Variants in WWP2 observed in about 807,000 individuals in gnomAD.
WWP2 encodes the protein WW domain containing E3 ubiquitin protein ligase 2.
In WWP2, 57 loss-of-function variants were observed where a neutral mutation model predicts 121.0. That is an observed-to-expected ratio of 0.47 (90% confidence interval 0.38 to 0.59). The LOEUF (loss-of-function observed/expected upper bound fraction) is 0.59, where lower values mean the gene tolerates loss of function less well. Among genes scored for constraint, WWP2 ranks in the 20% least tolerant of loss-of-function variants. The pLI is 0.00. For missense variants in WWP2, 962 were observed against 1,158.9 expected (o/e 0.83, Z 2.47); for synonymous variants, 449 against 441.3 (o/e 1.02, Z -0.22).
intron 7 of WWP2, among the ~76,000 whole-genome samples, chr16:69,873,519 C>G (rs934075440): frequency 6.6e-6 from 1 of 152,208 alleles, no homozygotes; most frequent in Non-Finnish European, 1.5e-5. Flanking sequence ...GCCTGGCGCC[C>G]CTGTGCCACC....
Position 69,813,677 on chromosome 16 carries a change from A to T in WWP2, c.340+14382A>T, listed in dbSNP as rs192820556. Among the ~76,000 whole-genome samples the T allele has an allele frequency of 2.0e-3, 306 of 151,998 alleles. 2 individuals are homozygous for T. Among genetic ancestry groups the T allele is most frequent in the South Asian group, 4.8e-3 (23 of 4,816 alleles). On this transcript the variant is annotated intron_variant, in intron 4 of 23. Transcript: ENST00000359154. ...GAGACAGGGTTTCACCATGTTGCCC[A>T]AGGCTGGTCTTAAACTTTTGGGCTC...
rs939550736 is a variant in WWP2, at chr16:69,782,736, C to T, written c.-15-4260C>T. Among the ~76,000 whole-genome samples the T allele has an allele frequency of 7.2e-5, 11 of 152,266 alleles. No individual in the cohort carries two copies. In the East Asian group the frequency reaches 7.7e-4, roughly 11 times the overall value. ...TATATCACATAAGACAAATTCTGTT[C>T]GAGTTTGCTAAAAATCTTGGAGCGT... On this transcript the variant is annotated intron_variant, in intron 1 of 23. Transcript: ENST00000359154.
At chr16:69,787,594 C>G (rs1015128842) in intron 2 of WWP2, among the ~76,000 whole-genome samples, 1 of 152,066 alleles carries the variant, frequency 6.6e-6, no homozygotes, top group Non-Finnish European at 1.5e-5. Flanking sequence ...GTCCCAAAAA[C>G]AAATTAAAAT....
intron 7 of WWP2, among the ~76,000 whole-genome samples, chr16:69,877,198 A>G (rs925039626): frequency 6.6e-6 from 1 of 152,220 alleles, no homozygotes; most frequent in African/African-American, 2.4e-5. Flanking sequence ...CCCGTCAATG[A>G]TCTTAGCTAG....
rs147697607 is a variant in WWP2, at chr16:69,772,108, C to T, written c.-16+9717C>T. ...TCCCAAGTAGCTGGGATTACAGGCACGCACCACTACACCTGGCTAATTTTG... is the reference window on the plus strand; with the variant it reads ...TCCCAAGTAGCTGGGATTACAGGCATGCACCACTACACCTGGCTAATTTTG... On this transcript the variant is annotated intron_variant, in intron 1 of 23. Coordinates refer to ENST00000359154, the MANE Select transcript of WWP2 (RefSeq NM_001270454.2). 5.5e-3 allele frequency among the ~76,000 whole-genome samples: 828 copies of T among 151,418 alleles called. 13 individuals carry two copies. Among genetic ancestry groups the T allele is most frequent in the East Asian group, 0.019 (100 of 5,162 alleles).
intron 2 of WWP2, among the ~76,000 whole-genome samples, chr16:69,789,915 G>T (rs1469361918): frequency 6.6e-6 from 1 of 152,176 alleles, no homozygotes; most frequent in Non-Finnish European, 1.5e-5. Flanking sequence ...TTTACTAATA[G>T]CCTGCTGTTG....
At position 69,937,163 on chromosome 16, in the gene WWP2, C is replaced by T. The variant is rs553134886; in HGVS notation, c.2163C>T (p.Thr721=). 1.9e-6 allele frequency: 3 copies of T among 1,613,956 alleles called. No homozygotes were observed. Among genetic ancestry groups the T allele is most frequent in the Admixed American group, 3.3e-5 (2 of 59,994 alleles). The part of the protein sequence containing the change: ...WRFTRGVEEQ[T]KAFLDGFNEV... ...TCACCCGAGGCGTGGAAGAGCAGAC[C>T]AAAGCCTTCCTGGATGGCTTCAACG... Residue 721 remains threonine (T), a synonymous_variant, in exon 20 of 24, where the codon ACC becomes ACT. Coordinates refer to ENST00000359154, the MANE Select transcript of WWP2 (RefSeq NM_001270454.2). This position sits in a 1 kb window ranked among gnomAD's most constrained non-coding sequence, Gnocchi z 6.6.
chr16:69,764,918 A>C (rs2038695416), intron 1 of WWP2, among the ~76,000 whole-genome samples: 1 of 152,268 alleles, frequency 6.6e-6, no homozygotes, highest in South Asian at 2.1e-4. Context: ...AATTATAAAT[A>C]GTTGGTCAGA....
At position 69,799,288 on chromosome 16, in the gene WWP2, G is replaced by A; in HGVS notation, c.333G>A (p.Gly111=). Residue 111 remains glycine (G), a synonymous_variant, in exon 4 of 24, where the codon GGG becomes GGA. Transcript: ENST00000359154. The surrounding 1 kb of genome is among the most constrained non-coding windows in gnomAD (Gnocchi z 4.5). ...TCTCCAACGTCTTGAAGAACAATGG[G>A]GGCAAAAGTACGTATGATGAAGGGG... ...VNLSNVLKNN[G]GKMENMQLTL... 1 of 1,613,324 alleles carries A rather than the reference G, an allele frequency of 6.2e-7. No individual in the cohort carries two copies. Among genetic ancestry groups the A allele is most frequent in the Non-Finnish European group, 8.5e-7 (1 of 1,179,746 alleles).
intron 6 of WWP2, among the ~76,000 whole-genome samples, chr16:69,852,630 A>C (rs1362530033): frequency 6.6e-6 from 1 of 151,942 alleles, no homozygotes; most frequent in African/African-American, 2.4e-5. Flanking sequence ...CTTCTTTGGC[A>C]GGGTGTCTGT....
intron 2 of WWP2, among the ~76,000 whole-genome samples, chr16:69,790,107 C>T (rs1227596234): frequency 6.6e-6 from 1 of 152,016 alleles, no homozygotes; most frequent in African/African-American, 2.4e-5. Flanking sequence ...ATTAGCCAGG[C>T]GTGGTGGCAG....
At chr16:69,899,216 A>T (rs937232904) in intron 8 of WWP2, among the ~76,000 whole-genome samples, 3 of 152,162 alleles carry the variant, frequency 2.0e-5, no homozygotes, top group Non-Finnish European at 4.4e-5. Flanking sequence ...TAAGTTACAT[A>T]AAAATGTTAC....
intron 1 of WWP2, among the ~76,000 whole-genome samples, chr16:69,763,179 C>A (rs1196501054): frequency 1.3e-5 from 2 of 152,234 alleles, no homozygotes; most frequent in African/African-American, 4.8e-5. Flanking sequence ...CTGCTGAAAT[C>A]TTGGACAGAG....
chr16:69,917,906 C>A (rs201204671), intron 10 of WWP2, 23 bp downstream of exon 10: 26 of 1,598,366 alleles, frequency 1.6e-5, no homozygotes, highest in Non-Finnish European at 2.1e-5. Flanking sequence ...GCGCTTGGCC[C>A]GAGGTGGGGC....
intron 6 of WWP2, among the ~76,000 whole-genome samples, chr16:69,844,305 C>T (rs1254225460): frequency 6.6e-6 from 1 of 152,158 alleles, no homozygotes. Flanking sequence ...ATTTCTTAAG[C>T]TAGAACAGCG....
Position 69,797,373 on chromosome 16 carries a change from C to T in WWP2, c.71-1309C>T, listed in dbSNP as rs151047801. On this transcript the variant is annotated intron_variant, in intron 2 of 23. Coordinates refer to ENST00000359154, the MANE Select transcript of WWP2 (RefSeq NM_001270454.2). ...TATGCAGCATGATGTGGAATCAGAC[C>T]GGCCGGGTGCACAGTCTGGCTTGTA... Among the ~76,000 whole-genome samples, 578 of 152,140 alleles carry T rather than the reference C, an allele frequency of 3.8e-3. 1 individual carries two copies. The highest frequency in any genetic ancestry group is 0.012 in the African/African-American group (495 of 41,496).
chr16:69,814,583 G>A (rs2056454652), intron 4 of WWP2, among the ~76,000 whole-genome samples: 2 of 152,218 alleles, frequency 1.3e-5, no homozygotes, highest in South Asian at 4.1e-4. Flanking sequence ...TGTTCTGTGT[G>A]TGTTTCTTCT....
chr16:69,802,952 T>C (rs999587402), intron 4 of WWP2, among the ~76,000 whole-genome samples: 12 of 152,026 alleles, frequency 7.9e-5, no homozygotes, highest in African/African-American at 2.7e-4. Context: ...TCTGAAAAAA[T>C]CTGAAATCCA....
chr16:69,765,779 G>A (rs1259760878), intron 1 of WWP2, among the ~76,000 whole-genome samples: 23 of 152,064 alleles, frequency 1.5e-4, no homozygotes, highest in Admixed American at 1.5e-3. Flanking sequence ...AACCAAGATC[G>A]CGCCACTGCA....
Sources: allele counts gnomAD v4.1 joint callset (sites outside exome capture counted in the v4.1 genomes callset), GRCh38; gene constraint gnomAD v4.1.1; non-coding constraint Gnocchi (gnomAD v3.1); transcripts MANE v1.5; gene names NCBI Gene and HGNC (gene_info 2026-07-23, HGNC 2026-07-21).